The following DMD variants were observed in gnomAD, a reference collection of about 807,000 sequenced individuals.
DMD encodes dystrophin.
In DMD, 63 loss-of-function variants were observed where a neutral mutation model predicts 330.1. The ratio of observed to expected loss-of-function variants is 0.19; its 90% CI spans 0.16 to 0.24. The LOEUF (loss-of-function observed/expected upper bound fraction) is 0.24. DMD is among the 10% of genes least tolerant of loss of function. The pLI, the probability that DMD is intolerant of heterozygous loss-of-function variation, is 1.00. For missense variants in DMD, 3,344 were observed against 2,684.1 expected (o/e 1.25, Z -5.43); for synonymous variants, 1,223 against 959.8 (o/e 1.27, Z -5.07).
At chrX:33,326,405 T>C (rs1032040446) in intron 1 of DMD, among the ~76,000 whole-genome samples, 10 of 112,000 alleles carry the variant, frequency 8.9e-5, no homozygotes, top group African/African-American at 3.2e-4. Flanking sequence ...CAGCCAAAAG[T>C]AAAGAAGAGG....
At chrX:33,157,695 C>T (rs768314351) in intron 1 of DMD, among the ~76,000 whole-genome samples, 1 of 112,414 alleles carries the variant, frequency 8.9e-6, no homozygotes, top group East Asian at 2.8e-4. Flanking sequence ...GTGGCTCACG[C>T]CTGTAATCCC....
At chrX:31,411,781 C>T (rs1028993392) in intron 60 of DMD, among the ~76,000 whole-genome samples, 1 of 109,697 alleles carries the variant, frequency 9.1e-6, no homozygotes, top group African/African-American at 3.3e-5. Context: ...CTACAGTTGC[C>T]TGCCACCACA....
chrX:32,460,919 G>A (rs2098381138), intron 25 of DMD, among the ~76,000 whole-genome samples: 1 of 111,724 alleles, frequency 9.0e-6, no homozygotes, highest in South Asian at 3.7e-4. Flanking sequence ...TTATCTCCGT[G>A]AAGGTAACTA....
At chrX:32,358,502 C>T (rs1434104777) in intron 37 of DMD, among the ~76,000 whole-genome samples, 1 of 111,573 alleles carries the variant, frequency 9.0e-6, no homozygotes, top group Non-Finnish European at 1.9e-5. Flanking sequence ...CTGCCATTTC[C>T]TCACATTGAT....
At chrX:31,851,381 TTGTGAAAC>T (rs1354134964) in intron 48 of DMD, among the ~76,000 whole-genome samples, 2 of 112,025 alleles carry the variant, frequency 1.8e-5, no homozygotes, top group Non-Finnish European at 3.8e-5. Flanking sequence ...CTGGAAAGTG[TTGTGAAAC>T]TGTGAAGATA....
At chrX:32,523,892 T>A (rs185688229) in intron 17 of DMD, among the ~76,000 whole-genome samples, 34 of 111,037 alleles carry the variant, frequency 3.1e-4, no homozygotes, top group Non-Finnish European at 5.8e-4. Flanking sequence ...AGTTGTTTGT[T>A]TTTAGTTTGA....
intron 25 of DMD, among the ~76,000 whole-genome samples, chrX:32,459,914 C>T (rs1214878733): frequency 9.0e-6 from 1 of 110,944 alleles, no homozygotes; most frequent in African/African-American, 3.3e-5. Flanking sequence ...AATATTTTTT[C>T]CCATTCTGTG....
intron 2 of DMD, among the ~76,000 whole-genome samples, chrX:32,875,223 T>C (rs2083287618): frequency 9.0e-6 from 1 of 111,663 alleles, no homozygotes; most frequent in South Asian, 3.8e-4. Context: ...TCTTGAACTC[T>C]TTCTGGTTCC....
chrX:31,831,076 T>A (rs1436638371), intron 49 of DMD, among the ~76,000 whole-genome samples: 1 of 112,503 alleles, frequency 8.9e-6, no homozygotes, highest in East Asian at 2.8e-4. Context: ...AAGAAGCTTT[T>A]TCCAATGCCC....
At chrX:31,746,042 G>T (rs1189676813) in intron 51 of DMD, among the ~76,000 whole-genome samples, 1 of 112,228 alleles carries the variant, frequency 8.9e-6, no homozygotes, top group African/African-American at 3.2e-5. Flanking sequence ...GAGTACTGGG[G>T]TATTGTGCTC....
At chrX:32,843,483 T>G (rs1201720246) in intron 4 of DMD, among the ~76,000 whole-genome samples, 2 of 111,914 alleles carry the variant, frequency 1.8e-5, no homozygotes, top group South Asian at 7.4e-4. Flanking sequence ...AGGTTAAAGG[T>G]GACAATGACC....
At chrX:33,285,970 T>C (rs766034824) in intron 1 of DMD, among the ~76,000 whole-genome samples, 108 of 112,106 alleles carry the variant, frequency 9.6e-4, no homozygotes, top group Middle Eastern at 4.6e-3. Flanking sequence ...TATTGATATT[T>C]ACAAGATGAC....
intron 41 of DMD, among the ~76,000 whole-genome samples, chrX:32,340,134 A>G (rs1325598210): frequency 9.0e-6 from 1 of 111,662 alleles, no homozygotes; most frequent in African/African-American, 3.2e-5. Context: ...CTATCTACCT[A>G]CCAACCTATA....
intron 43 of DMD, among the ~76,000 whole-genome samples, chrX:32,260,498 T>C (rs2097317385): frequency 8.9e-6 from 1 of 111,736 alleles, no homozygotes; most frequent in African/African-American, 3.3e-5. Flanking sequence ...TAGGGGGACC[T>C]ATAATCATAG....
chrX:33,042,661 A>T (rs2094320839), intron 1 of DMD, among the ~76,000 whole-genome samples: 1 of 112,385 alleles, frequency 8.9e-6, no homozygotes, highest in Non-Finnish European at 1.9e-5. Flanking sequence ...GGATTCCCAA[A>T]AGTAAGTGAA....
At chrX:32,718,698 A>G (rs978737465) in intron 7 of DMD, among the ~76,000 whole-genome samples, 4 of 112,206 alleles carry the variant, frequency 3.6e-5, no homozygotes, top group Non-Finnish European at 7.5e-5. Flanking sequence ...AGGAAGAACA[A>G]AGATTAAATA....
At chrX:33,090,175 T>C (rs924232785) in intron 1 of DMD, among the ~76,000 whole-genome samples, 1 of 110,360 alleles carries the variant, frequency 9.1e-6, no homozygotes, top group African/African-American at 3.3e-5. Flanking sequence ...TTTGTTTGCT[T>C]CGACTGGCCA....
chrX:32,184,215 C>A (rs946996279), intron 44 of DMD, among the ~76,000 whole-genome samples: 1 of 110,111 alleles, frequency 9.1e-6, no homozygotes, highest in Non-Finnish European at 1.9e-5. Context: ...CAAACCTTTT[C>A]AATTGAGGTA....
chrX:32,772,453 A>G (rs1423775002), intron 7 of DMD, among the ~76,000 whole-genome samples: 1 of 112,562 alleles, frequency 8.9e-6, no homozygotes, highest in Non-Finnish European at 1.9e-5. Flanking sequence ...TCTGTACTAT[A>G]TGAAGTATTT....
Sources: gnomAD v4.1 joint callset for allele counts (sites outside exome capture counted in the v4.1 genomes callset) on GRCh38, gnomAD v4.1.1 for gene constraint, MANE v1.5 for transcripts, NCBI Gene and HGNC (gene_info 2026-07-23, HGNC 2026-07-21) for gene names.